Variants in FARP1 observed in about 807,000 individuals in gnomAD.
FARP1 encodes the protein FERM, ARH/RhoGEF and pleckstrin domain protein 1, also known as FERM, ARHGEF and pleckstrin domain-containing protein 1.
In FARP1, 52 loss-of-function variants were observed where a neutral mutation model predicts 128.8. That is an observed-to-expected ratio of 0.40 (90% CI 0.32 to 0.51). FARP1 has a LOEUF of 0.51. FARP1 is among the 20% of genes least tolerant of loss of function. FARP1 has a pLI of 0.45. For synonymous variants in FARP1, 580 were observed against 551.8 expected (o/e 1.05, Z -0.72); for missense variants, 1,333 against 1,367.9 (o/e 0.97, Z 0.40).
intron 2 of FARP1, among the ~76,000 whole-genome samples, chr13:98,309,901 A>G (rs956467447): frequency 6.6e-6 from 1 of 152,166 alleles, no homozygotes; most frequent in Admixed American, 6.5e-5. Context: ...AGGGGAAAAT[A>G]TATTCCGCAT....
chr13:98,337,079 C>G (rs137856032), intron 2 of FARP1, among the ~76,000 whole-genome samples: 1 of 152,186 alleles, frequency 6.6e-6, no homozygotes, highest in East Asian at 1.9e-4. Flanking sequence ...CATAAACATT[C>G]ATTTGGGCCA....
At chr13:98,284,887 T>G (rs1234764543) in intron 2 of FARP1, among the ~76,000 whole-genome samples, 1 of 152,196 alleles carries the variant, frequency 6.6e-6, no homozygotes, top group Non-Finnish European at 1.5e-5. Context: ...TCTTGCTAGT[T>G]CTCTGTGTAC....
intron 2 of FARP1, among the ~76,000 whole-genome samples, chr13:98,226,350 T>G (rs554293624): frequency 6.6e-6 from 1 of 152,216 alleles, no homozygotes; most frequent in South Asian, 2.1e-4. Context: ...TATTTTCCCC[T>G]TTCGTAAGGA....
chr13:98,224,396 G>A (rs1266560611), intron 2 of FARP1, among the ~76,000 whole-genome samples: 3 of 151,546 alleles, frequency 2.0e-5, no homozygotes, highest in Non-Finnish European at 2.9e-5. Context: ...GCGTGGTGGC[G>A]AGTGCCTGTA....
rs562848018 is a variant in FARP1, at chr13:98,274,271, A to G, written c.171+60858A>G. Among the ~76,000 whole-genome samples, 5 of 152,230 alleles carry G rather than the reference A, an allele frequency of 3.3e-5. No homozygotes were observed. The South Asian group carries it at 8.3e-4, about 25-fold the overall frequency. On this transcript the variant is annotated intron_variant, in intron 2 of 26. Transcript: ENST00000319562. Reference sequence around the variant, plus strand: ...CAGGTTATACAGAGAGATTCCCTGGAGGCTTTGTTGGCGCACAGGGCCATG... The same window carrying G: ...CAGGTTATACAGAGAGATTCCCTGGGGGCTTTGTTGGCGCACAGGGCCATG...
Position 98,446,650 on chromosome 13 carries a change from T to C in FARP1, c.2905-16T>C. 2 of 1,613,224 alleles carry C rather than the reference T, an allele frequency of 1.2e-6. No individual in the cohort carries two copies. Among genetic ancestry groups the C allele is most frequent in the Non-Finnish European group, 8.5e-7 (1 of 1,179,288 alleles). ...CTGACCCCGAAAAGCCACTTTGCTTTGTTTCCCCTTTCCAGGACAATCATC... is the reference window on the plus strand; with the variant it reads ...CTGACCCCGAAAAGCCACTTTGCTTCGTTTCCCCTTTCCAGGACAATCATC... On this transcript the variant is annotated splice_polypyrimidine_tract_variant and intron_variant, in intron 25 of 26. Coordinates refer to ENST00000319562, the MANE Select transcript of FARP1 (RefSeq NM_005766.4).
At chr13:98,147,900 T>C (rs1875690358) in intron 1 of FARP1, among the ~76,000 whole-genome samples, 1 of 152,140 alleles carries the variant, frequency 6.6e-6, no homozygotes, top group Non-Finnish European at 1.5e-5. Flanking sequence ...GTTGAATGAA[T>C]AATAAATCCA....
chr13:98,158,106 G>A (rs1876619127), intron 1 of FARP1, among the ~76,000 whole-genome samples: 1 of 152,230 alleles, frequency 6.6e-6, no homozygotes, highest in African/African-American at 2.4e-5. Context: ...CTTTGCATGA[G>A]ATTAATCCAA....
intron 1 of FARP1, among the ~76,000 whole-genome samples, chr13:98,181,693 A>G (rs1055393352): frequency 4.4e-4 from 67 of 150,784 alleles, no homozygotes; most frequent in African/African-American, 1.6e-3. Context: ...GTGTGGCGCA[A>G]TCACAGTTCA....
At chr13:98,189,524 C>G (rs1879091183) in intron 1 of FARP1, among the ~76,000 whole-genome samples, 2 of 151,934 alleles carry the variant, frequency 1.3e-5, no homozygotes, top group African/African-American at 4.8e-5. Flanking sequence ...TTATAATGAG[C>G]AGAACAGAAA....
intron 2 of FARP1, among the ~76,000 whole-genome samples, chr13:98,252,188 T>C (rs918854714): frequency 6.6e-6 from 1 of 152,212 alleles, no homozygotes; most frequent in South Asian, 2.1e-4. Flanking sequence ...ATGTATTATA[T>C]TAGCATATTA....
chr13:98,188,101 C>G (rs1878998261), intron 1 of FARP1, among the ~76,000 whole-genome samples: 3 of 152,176 alleles, frequency 2.0e-5, no homozygotes, highest in Admixed American at 2.0e-4. Flanking sequence ...GCCCTGCCTG[C>G]TTGAACATGG....
Position 98,200,395 on chromosome 13 carries a change from C to G in FARP1, c.-23-12825C>G, listed in dbSNP as rs1458206887. On this transcript the variant is annotated intron_variant, in intron 1 of 26. Coordinates refer to ENST00000319562, the MANE Select transcript of FARP1 (RefSeq NM_005766.4). ...CCTGGAATGCAACCTTCACCCCCCC[C>G]CCCTCCCCTTTGTGATTCAGTGGGG... Among the ~76,000 whole-genome samples the G allele has an allele frequency of 6.8e-5, 10 of 147,792 alleles. No individual in the cohort carries two copies. In the South Asian group the frequency reaches 1.4e-3, roughly 20 times the overall value.
At chr13:98,265,546 C>G (rs975468842) in intron 2 of FARP1, among the ~76,000 whole-genome samples, 9 of 151,520 alleles carry the variant, frequency 5.9e-5, no homozygotes, top group East Asian at 1.9e-4. Flanking sequence ...GTCTCGATCT[C>G]CTGACCTCGT....
intron 2 of FARP1, among the ~76,000 whole-genome samples, chr13:98,277,637 G>C (rs1884723775): frequency 6.6e-6 from 1 of 152,172 alleles, no homozygotes; most frequent in Non-Finnish European, 1.5e-5. Flanking sequence ...CCTTGAGGGT[G>C]GAGTCCTGTG....
intron 2 of FARP1, among the ~76,000 whole-genome samples, chr13:98,254,326 A>G (rs1296316477): frequency 4.6e-5 from 7 of 152,226 alleles, no homozygotes; most frequent in Admixed American, 4.6e-4. Context: ...TTCTGAACAA[A>G]TTTCTTAACT....
At chr13:98,165,710 GTTTTTTTTTTTTTTTTTTTTT>G (rs71111927) in intron 1 of FARP1, among the ~76,000 whole-genome samples, 11 of 74,128 alleles carry the variant, frequency 1.5e-4, no homozygotes, top group Non-Finnish European at 1.4e-4. Context: ...TCCAGAAGGG[GTTTTTTTTTTTTTTTTTTTTT>G]TTTTTTTTTT....
chr13:98,169,999 G>A (rs1877540333), intron 1 of FARP1, among the ~76,000 whole-genome samples: 1 of 152,000 alleles, frequency 6.6e-6, no homozygotes, highest in African/African-American at 2.4e-5. Context: ...CTTTCTATGA[G>A]ATCTCTTCAA....
At chr13:98,183,103 T>G (rs1377627166) in intron 1 of FARP1, among the ~76,000 whole-genome samples, 1 of 152,216 alleles carries the variant, frequency 6.6e-6, no homozygotes, top group Non-Finnish European at 1.5e-5. Context: ...GTTGTTAGGT[T>G]TTATCTTCTT....
Sources: allele counts gnomAD v4.1 joint callset (sites outside exome capture counted in the v4.1 genomes callset), GRCh38; gene constraint gnomAD v4.1.1; transcripts MANE v1.5; gene names NCBI Gene and HGNC (gene_info 2026-07-23, HGNC 2026-07-21).